The following SYNDIG1L variants were observed in gnomAD, a reference collection of about 807,000 sequenced individuals.
The protein encoded by SYNDIG1L is synapse differentiation inducing 1 like.
SYNDIG1L carries 13 observed loss-of-function variants against 20.1 expected under a neutral mutation model. The observed-to-expected ratio is 0.65, with a 90% confidence interval of 0.42 to 1.03. The LOEUF is 1.03. SYNDIG1L is among the 50% of genes least tolerant of loss of function. The probability of loss-of-function intolerance (pLI) is 0.00; values close to 1 mark genes in which losing one functional copy is unlikely to be tolerated. For synonymous variants in SYNDIG1L, 128 were observed against 129.3 expected, an observed-to-expected ratio of 0.99 and a Z score of 0.07; for missense variants, 294 against 305.1, an observed-to-expected ratio of 0.96 and a Z score of 0.27.
intron 1 of SYNDIG1L, among the ~76,000 whole-genome samples, chr14:74,416,396 G>A (rs943801610): frequency 2.0e-5 from 3 of 152,156 alleles, no homozygotes; most frequent in Admixed American, 6.5e-5. Context: ...TATTTTGGGA[G>A]GCCAAGGTGG....
At chr14:74,413,105 G>A (rs2086145491) in intron 1 of SYNDIG1L, among the ~76,000 whole-genome samples, 1 of 152,202 alleles carries the variant, frequency 6.6e-6, no homozygotes. Flanking sequence ...AAGGACAATT[G>A]TTCAAAGCAG....
chr14:74,452,129 T>C, the SYNDIG1L span, among the ~76,000 whole-genome samples: 1 of 152,078 alleles, frequency 6.6e-6, no homozygotes, highest in South Asian at 2.1e-4. Context: ...GAAAAGATAC[T>C]TAACATCATT....
chr14:74,419,225 C>T (rs1415748304), intron 1 of SYNDIG1L, among the ~76,000 whole-genome samples: 2 of 152,218 alleles, frequency 1.3e-5, no homozygotes, highest in Non-Finnish European at 2.9e-5. Flanking sequence ...CAGCTCCATG[C>T]TCCTTGCCTC....
intron 1 of SYNDIG1L, among the ~76,000 whole-genome samples, chr14:74,424,581 G>A (rs1186713007): frequency 6.6e-6 from 1 of 152,196 alleles, no homozygotes; most frequent in Non-Finnish European, 1.5e-5. Context: ...GGTGATGATG[G>A]AAGAGGAGAA....
the SYNDIG1L span, chr14:74,479,311 A>C: frequency 6.6e-6 from 1 of 152,198 alleles, no homozygotes; most frequent in African/African-American, 2.4e-5. Flanking sequence ...CAAATCAATC[A>C]CTTGCTCACA....
chr14:74,406,020 T>G lies in SYNDIG1L; in HGVS notation c.*1515A>C. On this transcript the variant is annotated 3_prime_UTR_variant, in exon 4 of 4. Transcript: ENST00000331628. ...CAGGGGAGGACAGTGGGACAAGGGA[T>G]GCTCAGTGGTGGAGCCACAGCCCTG... is the stretch of plus-strand genomic sequence containing the variant. 1 of 398,860 alleles carries G rather than the reference T, an allele frequency of 2.5e-6. No individual in the cohort carries two copies. Among genetic ancestry groups the G allele is most frequent in the Non-Finnish European group, 4.4e-6 (1 of 226,266 alleles). The allele number at this position is 398,860 out of a possible 1,614,324, so 24.7% of individuals were successfully genotyped here. A position where few individuals can be genotyped will look rare whatever the true frequency, so the allele number is the denominator to read the frequency against.
chr14:74,418,511 T>C (rs1464336126), intron 1 of SYNDIG1L, among the ~76,000 whole-genome samples: 2 of 152,116 alleles, frequency 1.3e-5, no homozygotes, highest in African/African-American at 4.8e-5. Context: ...TTGTAAAACC[T>C]GGCTGCAAAT....
the SYNDIG1L span, among the ~76,000 whole-genome samples, chr14:74,440,990 G>A: frequency 8.5e-5 from 13 of 152,102 alleles, no homozygotes; most frequent in African/African-American, 2.4e-5. Flanking sequence ...TGTAAAGTGG[G>A]ACTAATCATG....
the SYNDIG1L span, among the ~76,000 whole-genome samples, chr14:74,470,038 A>AAAAGGAGAAAATGCAGTCACG: frequency 1.3e-5 from 2 of 152,158 alleles, no homozygotes; most frequent in Non-Finnish European, 2.9e-5. Flanking sequence ...AGGTTATGAG[A>AAAAGGAGAAAATGCAGTCACG]AAAGGAGAAA....
the SYNDIG1L span, among the ~76,000 whole-genome samples, chr14:74,451,129 A>G: frequency 1.3e-5 from 2 of 152,226 alleles, no homozygotes; most frequent in African/African-American, 4.8e-5. Flanking sequence ...CAACTTTGAA[A>G]AAAAGGAACA....
intron 1 of SYNDIG1L, among the ~76,000 whole-genome samples, chr14:74,424,275 G>A (rs1216610019): frequency 1.3e-5 from 2 of 152,196 alleles, no homozygotes; most frequent in East Asian, 1.9e-4. Flanking sequence ...ACCCCCAGAG[G>A]GGAATGGACC....
At chr14:74,410,606 C>T (rs2086122905) in intron 1 of SYNDIG1L, among the ~76,000 whole-genome samples, 2 of 151,986 alleles carry the variant, frequency 1.3e-5, no homozygotes, top group South Asian at 4.2e-4. Context: ...AACTGGGGTT[C>T]AGTAGTGGTG....
At chr14:74,457,747 G>A in the SYNDIG1L span, among the ~76,000 whole-genome samples, 4 of 151,916 alleles carry the variant, frequency 2.6e-5, no homozygotes, top group Non-Finnish European at 5.9e-5. Context: ...TCTCTCCAAA[G>A]CTTATTAGGA....
At chr14:74,473,063 T>C in the SYNDIG1L span, among the ~76,000 whole-genome samples, 1 of 152,116 alleles carries the variant, frequency 6.6e-6, no homozygotes, top group Non-Finnish European at 1.5e-5. Flanking sequence ...AGACCAGTAA[T>C]GCAGGAGGAG....
intron 1 of SYNDIG1L, among the ~76,000 whole-genome samples, chr14:74,422,990 C>T (rs2086235811): frequency 6.6e-6 from 1 of 152,138 alleles, no homozygotes; most frequent in Non-Finnish European, 1.5e-5. Context: ...TGAGCCACTG[C>T]ACCTGGCCAC....
the SYNDIG1L span, chr14:74,474,049 C>T: frequency 6.6e-6 from 1 of 152,184 alleles, no homozygotes; most frequent in African/African-American, 2.4e-5. Flanking sequence ...GTAGGAAAAT[C>T]CAACGGATTA....
chr14:74,416,323 T>A (rs919690505), intron 1 of SYNDIG1L, among the ~76,000 whole-genome samples: 7 of 152,210 alleles, frequency 4.6e-5, no homozygotes, highest in African/African-American at 1.7e-4. Context: ...ATGTGTATTA[T>A]ATCTCAAAGA....
At chr14:74,437,268 T>C in the SYNDIG1L span, among the ~76,000 whole-genome samples, 1 of 152,196 alleles carries the variant, frequency 6.6e-6, no homozygotes, top group African/African-American at 2.4e-5. Context: ...GGGCATGACT[T>C]CACTTAGTAG....
chr14:74,470,749 C>T, the SYNDIG1L span, among the ~76,000 whole-genome samples: 4 of 152,330 alleles, frequency 2.6e-5, no homozygotes, highest in Non-Finnish European at 2.9e-5. Context: ...CAAGGCTCAG[C>T]GCAATAGTTT....
Sources: allele counts gnomAD v4.1 joint callset (sites outside exome capture counted in the v4.1 genomes callset), GRCh38; gene constraint gnomAD v4.1.1; transcripts MANE v1.5; gene names NCBI Gene and HGNC (gene_info 2026-07-23, HGNC 2026-07-21).